The following CTNNA3 variants were observed in gnomAD, a reference collection of about 807,000 sequenced individuals.
CTNNA3 encodes the protein catenin alpha 3.
CTNNA3 carries 76 observed loss-of-function variants against 95.7 expected under a neutral mutation model. The ratio of observed to expected loss-of-function variants is 0.79; its 90% CI spans 0.66 to 0.96. The LOEUF (loss-of-function observed/expected upper bound fraction) is 0.96, where lower values mean the gene tolerates loss of function less well. CTNNA3 is among the 40% of genes least tolerant of loss of function. The pLI is 0.00. For synonymous variants in CTNNA3, 431 were observed against 374.4 expected (o/e 1.15, Z -1.74); for missense variants, 1,191 against 1,089.8 (o/e 1.09, Z -1.31).
intron 5 of CTNNA3, among the ~76,000 whole-genome samples, chr10:67,365,459 AT>A (rs1268430783): frequency 6.6e-6 from 1 of 152,146 alleles, no homozygotes; most frequent in Non-Finnish European, 1.5e-5. Flanking sequence ...AGGGAGAAAC[AT>A]TTTGCAATCT....
chr10:66,657,476 A>C (rs1470322722), intron 9 of CTNNA3, among the ~76,000 whole-genome samples: 1 of 152,120 alleles, frequency 6.6e-6, no homozygotes, highest in Non-Finnish European at 1.5e-5. Context: ...TGCTGCCACT[A>C]ATATGTACGG....
intron 3 of CTNNA3, among the ~76,000 whole-genome samples, chr10:67,561,107 G>C (rs1841494085): frequency 6.8e-6 from 1 of 146,270 alleles, no homozygotes; most frequent in Non-Finnish European, 1.5e-5. Flanking sequence ...AGGATATCCA[G>C]GAATTGAACT....
rs115752517 is a variant in CTNNA3 at position 67,016,168 on chromosome 10, T to C, written c.1047+164149A>G. Among the ~76,000 whole-genome samples, 887 of 152,316 alleles carry C rather than the reference T, an allele frequency of 5.8e-3. 10 individuals carry two copies. Among genetic ancestry groups the C allele is most frequent in the African/African-American group, 0.02 (844 of 41,566 alleles). On this transcript the variant is annotated intron_variant, in intron 7 of 17. Transcript: ENST00000433211. ...GAAAATGGTAGTTTTATGCATGAGT[T>C]TATCCACTGTTCCCTTTCTGATCGC...
intron 9 of CTNNA3, among the ~76,000 whole-genome samples, chr10:66,683,014 TAA>T (rs1232039912): frequency 6.6e-6 from 1 of 152,136 alleles, no homozygotes; most frequent in Non-Finnish European, 1.5e-5. Flanking sequence ...ACGTTGTACA[TAA>T]ATGTTAGTGA....
intron 11 of CTNNA3, among the ~76,000 whole-genome samples, chr10:66,463,175 G>A (rs1027614420): frequency 6.6e-6 from 1 of 152,124 alleles, no homozygotes; most frequent in Non-Finnish European, 1.5e-5. Flanking sequence ...TCCAATGTTG[G>A]AGGTTGGGCC....
chr10:66,576,305 G>A (rs1843001060), intron 10 of CTNNA3, among the ~76,000 whole-genome samples: 1 of 151,966 alleles, frequency 6.6e-6, no homozygotes, highest in Non-Finnish European at 1.5e-5. Flanking sequence ...CATCCCAGCT[G>A]GTTTTTTAAT....
intron 1 of CTNNA3, among the ~76,000 whole-genome samples, chr10:67,736,264 C>G (rs1049750294): frequency 2.7e-5 from 4 of 147,274 alleles, no homozygotes; most frequent in African/African-American, 1.1e-4. Flanking sequence ...TTACCAGAAA[C>G]TAGGGGCAGG....
At chr10:67,029,698 T>C (rs980486909) in intron 7 of CTNNA3, among the ~76,000 whole-genome samples, 3 of 152,200 alleles carry the variant, frequency 2.0e-5, no homozygotes, top group Non-Finnish European at 4.4e-5. Flanking sequence ...TACTAAAGCG[T>C]AAAACAAAAG....
At chr10:66,277,477 A>C (rs964674891) in intron 13 of CTNNA3, among the ~76,000 whole-genome samples, 76 of 152,146 alleles carry the variant, frequency 5.0e-4, no homozygotes, top group African/African-American at 1.5e-3. Flanking sequence ...GCCAACATTA[A>C]ATTTGACCTT....
At chr10:67,138,481 T>G (rs2132035473) in intron 7 of CTNNA3, among the ~76,000 whole-genome samples, 1 of 152,356 alleles carries the variant, frequency 6.6e-6, no homozygotes, top group South Asian at 2.1e-4. Flanking sequence ...TCTATACTGC[T>G]CTATCAAATA....
At position 67,556,160 on chromosome 10, in the gene CTNNA3, A is replaced by G. The variant is rs146410239; in HGVS notation, c.293-16491T>C. ...GTGCTGCTGGATTCGGTTTGCCAAT[A>G]TTTTATTGAGGATTTGTGCATCGAT... On this transcript the variant is annotated intron_variant, in intron 3 of 17. Transcript: ENST00000433211. 8.3e-3 allele frequency among the ~76,000 whole-genome samples: 1,259 copies of G among 152,228 alleles called. 11 individuals are homozygous for G. Among genetic ancestry groups the G allele is most frequent in the Non-Finnish European group, 0.014 (957 of 68,008 alleles).
chr10:66,965,941 C>G (rs537780817), intron 7 of CTNNA3, among the ~76,000 whole-genome samples: 205 of 152,238 alleles, frequency 1.3e-3, no homozygotes, highest in African/African-American at 4.8e-3. Flanking sequence ...GCTTTGCAAG[C>G]ACTATATAAG....
chr10:66,914,606 G>C (rs1168955600), intron 7 of CTNNA3, among the ~76,000 whole-genome samples: 1 of 150,090 alleles, frequency 6.7e-6, no homozygotes, highest in Admixed American at 6.6e-5. Flanking sequence ...ATCCATGAGA[G>C]TAACAGTATG....
At chr10:66,999,759 A>G (rs1354322783) in intron 7 of CTNNA3, among the ~76,000 whole-genome samples, 6 of 152,180 alleles carry the variant, frequency 3.9e-5, no homozygotes, top group African/African-American at 7.2e-5. Context: ...TATTTTATCA[A>G]TTTATCTTAG....
intron 12 of CTNNA3, among the ~76,000 whole-genome samples, chr10:66,341,734 G>T (rs182539411): frequency 1.3e-5 from 2 of 151,880 alleles, no homozygotes; most frequent in Non-Finnish European, 3.0e-5. Context: ...ATTGGTTTTC[G>T]AAGTGATGCA....
chr10:66,900,580 C>A (rs1845699118), intron 7 of CTNNA3, among the ~76,000 whole-genome samples: 1 of 151,872 alleles, frequency 6.6e-6, no homozygotes, highest in African/African-American at 2.4e-5. Context: ...CTTCTCTGAG[C>A]TAAAAGAGCA....
chr10:65,935,808 A>C (rs1487497951), intron 17 of CTNNA3, among the ~76,000 whole-genome samples: 1 of 152,100 alleles, frequency 6.6e-6, no homozygotes, highest in East Asian at 1.9e-4. Context: ...AGCTTATGGA[A>C]AGGCTTTTGC....
intron 6 of CTNNA3, among the ~76,000 whole-genome samples, chr10:67,197,299 CA>C (rs1288199592): frequency 6.6e-6 from 1 of 152,024 alleles, no homozygotes; most frequent in Non-Finnish European, 1.5e-5. Context: ...AAAAGGTACA[CA>C]GGGGGCAAGT....
chr10:67,113,140 A>G (rs1185321241), intron 7 of CTNNA3, among the ~76,000 whole-genome samples: 2 of 152,182 alleles, frequency 1.3e-5, no homozygotes, highest in Admixed American at 6.5e-5. Context: ...TTAATCCTAT[A>G]TCATATGTCT....
Sources: allele counts gnomAD v4.1 joint callset (sites outside exome capture counted in the v4.1 genomes callset), GRCh38; gene constraint gnomAD v4.1.1; transcripts MANE v1.5; gene names NCBI Gene and HGNC (gene_info 2026-07-23, HGNC 2026-07-21).